Variants in TENM2 observed in about 807,000 individuals in gnomAD.
The protein encoded by TENM2 is teneurin-2.
Under a neutral mutation model 245.2 loss-of-function variants are expected in TENM2, and 52 were observed. The ratio of observed to expected loss-of-function variants is 0.21; its 90% CI spans 0.17 to 0.27. The LOEUF (loss-of-function observed/expected upper bound fraction) is 0.27. Among genes scored for constraint, TENM2 ranks in the 10% least tolerant of loss-of-function variants. TENM2 has a pLI of 1.00. For synonymous variants in TENM2, 1,363 were observed against 1,438.9 expected (o/e 0.95, Z 1.19); for missense variants, 3,046 against 3,666.8 (o/e 0.83, Z 4.37).
At chr5:167,922,858 G>T (rs1179997998) in intron 3 of TENM2, among the ~76,000 whole-genome samples, 1 of 152,122 alleles carries the variant, frequency 6.6e-6, no homozygotes, top group East Asian at 1.9e-4. Flanking sequence ...CTTGTTTATT[G>T]CTCCTCCTAG....
At chr5:167,420,604 C>T (rs1763447900) in intron 2 of TENM2, among the ~76,000 whole-genome samples, 1 of 152,142 alleles carries the variant, frequency 6.6e-6, no homozygotes, top group Non-Finnish European at 1.5e-5. Context: ...CCTCAGGTAT[C>T]TTCATGTCTA....
intron 12 of TENM2, among the ~76,000 whole-genome samples, chr5:168,150,425 A>C (rs371220392): frequency 6.6e-6 from 1 of 152,202 alleles, no homozygotes; most frequent in Non-Finnish European, 1.5e-5. Context: ...CTTGACAGGG[A>C]GACCACCCCA....
At chr5:167,576,593 C>T (rs1378944262) in intron 2 of TENM2, among the ~76,000 whole-genome samples, 5 of 152,154 alleles carry the variant, frequency 3.3e-5, no homozygotes, top group Admixed American at 6.5e-5. Context: ...AACTTAACTG[C>T]ACATTACTAT....
intron 2 of TENM2, among the ~76,000 whole-genome samples, chr5:167,572,667 C>T (rs543086708): frequency 6.6e-6 from 1 of 152,224 alleles, no homozygotes; most frequent in African/African-American, 2.4e-5. Context: ...TAATCCTAGC[C>T]CCCATGTGGT....
intron 2 of TENM2, among the ~76,000 whole-genome samples, chr5:167,613,016 A>G (rs1039297327): frequency 1.5e-4 from 23 of 152,294 alleles, no homozygotes; most frequent in African/African-American, 4.6e-4. Flanking sequence ...TCAGCAGGTA[A>G]AGACACGCAT....
chr5:168,104,179 AC>A (rs1794058209), intron 9 of TENM2, among the ~76,000 whole-genome samples: 1 of 151,982 alleles, frequency 6.6e-6, no homozygotes. Context: ...ACCAGTGCAT[AC>A]CACCACACCC....
intron 3 of TENM2, among the ~76,000 whole-genome samples, chr5:167,895,302 C>T (rs1202143818): frequency 6.6e-6 from 1 of 152,120 alleles, no homozygotes; most frequent in Admixed American, 6.5e-5. Context: ...TGATGGCATA[C>T]ATTTTGGGAA....
At chr5:167,941,317 A>G (rs1779160262) in intron 3 of TENM2, among the ~76,000 whole-genome samples, 1 of 152,234 alleles carries the variant, frequency 6.6e-6, no homozygotes, top group Non-Finnish European at 1.5e-5. Flanking sequence ...TAATAAAAGA[A>G]GAAGAGAATT....
At chr5:167,086,614 C>T in the TENM2 span, among the ~76,000 whole-genome samples, 2 of 151,878 alleles carry the variant, frequency 1.3e-5, no homozygotes, top group Non-Finnish European at 2.9e-5. Flanking sequence ...TGGGAATATG[C>T]CTGGAAGCAT....
At chr5:168,251,718 T>G (rs1286897746) in intron 27 of TENM2, among the ~76,000 whole-genome samples, 1 of 152,214 alleles carries the variant, frequency 6.6e-6, no homozygotes, top group Non-Finnish European at 1.5e-5. Flanking sequence ...TAAGATGTAG[T>G]CGGGAGGAAC....
At chr5:167,825,312 G>T (rs894542461) in intron 2 of TENM2, among the ~76,000 whole-genome samples, 12 of 151,980 alleles carry the variant, frequency 7.9e-5, no homozygotes, top group African/African-American at 2.9e-4. Context: ...GGGGTTCTTG[G>T]TGGGGTTTTT....
chr5:167,704,607 G>A (rs1758380423), intron 2 of TENM2, among the ~76,000 whole-genome samples: 1 of 152,074 alleles, frequency 6.6e-6, no homozygotes, highest in Admixed American at 6.6e-5. Flanking sequence ...TAGCAATGAA[G>A]GAAGAGGGCA....
chr5:168,203,056 C>T (rs1762062224), intron 17 of TENM2, among the ~76,000 whole-genome samples: 1 of 152,166 alleles, frequency 6.6e-6, no homozygotes, highest in South Asian at 2.1e-4. Flanking sequence ...TCCCATTTGT[C>T]CATGTGGCAA....
chr5:167,281,272 TA>T (rs1385156134), upstream of TENM2, among the ~76,000 whole-genome samples: 24 of 140,620 alleles, frequency 1.7e-4, no homozygotes, highest in African/African-American at 6.4e-4. Context: ...CACGCCTGGC[TA>T]TTTTTTTTTT....
chr5:168,194,899 GGCCAAACAAAA>G (rs1761273802), intron 14 of TENM2, among the ~76,000 whole-genome samples: 1 of 152,284 alleles, frequency 6.6e-6, no homozygotes, highest in East Asian at 1.9e-4. Flanking sequence ...CTGAAGCTCA[GGCCAAACAAAA>G]GCCAAACAAT....
intron 2 of TENM2, among the ~76,000 whole-genome samples, chr5:167,842,298 A>C (rs868539577): frequency 2.0e-4 from 30 of 152,076 alleles, no homozygotes; most frequent in African/African-American, 5.3e-4. Context: ...CAAAACAAAA[A>C]AAACTTTAGG....
At chr5:167,602,093 C>T (rs1456150772) in intron 2 of TENM2, among the ~76,000 whole-genome samples, 1 of 151,812 alleles carries the variant, frequency 6.6e-6, no homozygotes, top group Non-Finnish European at 1.5e-5. Flanking sequence ...GCCATGAATA[C>T]TGCTATGATC....
At chr5:167,098,981 A>G in the TENM2 span, among the ~76,000 whole-genome samples, 21 of 152,202 alleles carry the variant, frequency 1.4e-4, no homozygotes, top group Non-Finnish European at 2.8e-4. Context: ...TATTGTAACA[A>G]GTACCTCAGT....
At chr5:167,190,820 G>A in the TENM2 span, among the ~76,000 whole-genome samples, 12,915 of 152,062 alleles carry the variant, frequency 0.085, 1,618 homozygotes, top group African/African-American at 0.27. Context: ...AGTTGCTAAC[G>A]AAACAGGTGG....
Sources: gnomAD v4.1 joint callset for allele counts (sites outside exome capture counted in the v4.1 genomes callset) on GRCh38, gnomAD v4.1.1 for gene constraint, MANE v1.5 for transcripts, NCBI Gene and HGNC (gene_info 2026-07-23, HGNC 2026-07-21) for gene names.